The following SKOR2 variants were observed in gnomAD, a reference collection of about 807,000 sequenced individuals.
SKOR2 encodes LBX1 corepressor 1-like protein.
SKOR2 carries 47 observed loss-of-function variants against 69.1 expected under a neutral mutation model. The ratio of observed to expected loss-of-function variants is 0.68; its 90% CI spans 0.54 to 0.87. The LOEUF (loss-of-function observed/expected upper bound fraction) is 0.87, where lower values mean the gene tolerates loss of function less well. SKOR2 is among the 40% of genes least tolerant of loss of function. The pLI is 0.00. For synonymous variants in SKOR2, 717 were observed against 672.6 expected (o/e 1.07, Z -1.02); for missense variants, 1,404 against 1,472.2 (o/e 0.95, Z 0.76).
Position 47,246,982 on chromosome 18 carries a change from G to A in SKOR2, c.2202C>T (p.Asp734=), listed in dbSNP as rs1373043424. 3 of 1,497,952 alleles carry A rather than the reference G, an allele frequency of 2.0e-6. No individual in the cohort carries two copies. The allele number at this position is 1,497,952 out of a possible 1,614,324, so 92.8% of individuals were successfully genotyped here. A position where few individuals can be genotyped will look rare whatever the true frequency, so the allele number is the denominator to read the frequency against. The change falls in exon 2 of 9, where the codon GAC becomes GAT. Residue 734 remains aspartate (D), a synonymous_variant. Transcript: ENST00000425639. ...CCTGCTCTTCTTCCTCGTCGTCCTCGTCCTCGGAGCTGTCCTCGCTGGGGT... is the reference window on the plus strand; with the variant it reads ...CCTGCTCTTCTTCCTCGTCGTCCTCATCCTCGGAGCTGTCCTCGCTGGGGT... ...CCYPSEDSSE[D]EDDEEEEQEV...
At chr18:47,227,326 A>ATTTT (rs778462203) in intron 6 of SKOR2, among the ~76,000 whole-genome samples, 36 of 91,126 alleles carry the variant, frequency 4.0e-4, no homozygotes, top group African/African-American at 9.2e-4. Flanking sequence ...CAAGAAGCCA[A>ATTTT]TTTTTTTTTT....
At position 47,248,869 on chromosome 18, in the gene SKOR2, G is replaced by A. The variant is rs1354109293; in HGVS notation, c.315C>T (p.Ala105=). The change falls in exon 2 of 9, where the codon GCC becomes GCT. Residue 105 remains alanine (A), a synonymous_variant. Coordinates refer to ENST00000425639, the MANE Select transcript of SKOR2 (RefSeq NM_001278063.4). The surrounding 1 kb of genome is among the most constrained non-coding windows in gnomAD (Gnocchi z 6.4). The stretch of plus-strand genomic sequence containing the variant: ...GGCGCGATGAGATGGGCATGGCCCC[G>A]GCACGCCGCAGGATCTCCAGTTGCA... ...TPVQLEILRR[A]GAMPISSRRC... is the part of the protein sequence containing the mutation. The A allele has an allele frequency of 3.8e-6, 6 of 1,566,004 alleles. No homozygotes were observed. The South Asian group carries it at 4.6e-5, about 12-fold the overall frequency.
chr18:47,215,728 A>G (rs1568083315), intron 7 of SKOR2, among the ~76,000 whole-genome samples: 1 of 152,166 alleles, frequency 6.6e-6, no homozygotes, highest in Admixed American at 6.6e-5. Context: ...AATTCTGGAA[A>G]AACAGCAGAG....
chr18:47,212,286 C>A, intron 7 of SKOR2, 135 bp from the exon 8 acceptor site: 1 of 757,954 alleles, frequency 1.3e-6, no homozygotes, highest in South Asian at 7.0e-5. Context: ...TCCATCTGCT[C>A]AGCGGTATGA....
Position 47,248,327 on chromosome 18 carries a change from G to T in SKOR2, c.857C>A (p.Pro286Gln). Residue 286 changes from proline (P) to glutamine (Q), a missense_variant, in exon 2 of 9, where the codon CCG (proline) becomes CAG (glutamine). By Grantham distance (76) the Pro-to-Gln change is moderately conservative. This residue lies in a region of SKOR2 where 1,266 missense variants were observed against 1,309.9 expected (regional missense o/e 0.97). Transcript: ENST00000425639. This position sits in a 1 kb window ranked among gnomAD's most constrained non-coding sequence, Gnocchi z 6.4. The part of the protein sequence containing the change: ...LLGPHLLGAP[P>Q]PPPPPPPPLA... ...GGGCGGCGGTGGCGGCGGCGGCGGC[G>T]GGGGCGCACCCAGCAGGTGGGGGCC... 1 of 1,199,282 alleles carries T rather than the reference G, an allele frequency of 8.3e-7. No homozygotes were observed. Among genetic ancestry groups the T allele is most frequent in the Non-Finnish European group, 1.0e-6 (1 of 969,210 alleles). 74.3% of individuals were successfully genotyped at this position (1,199,282 alleles called of 1,614,324 possible).
intron 1 of SKOR2, among the ~76,000 whole-genome samples, chr18:47,250,627 C>T (rs764079402): frequency 6.6e-5 from 10 of 152,242 alleles, no homozygotes; most frequent in Admixed American, 1.3e-4. Flanking sequence ...CGTGTCCTCT[C>T]TCTGGGCCCC....
intron 6 of SKOR2, among the ~76,000 whole-genome samples, chr18:47,222,056 C>A (rs1166515604): frequency 2.6e-5 from 4 of 152,166 alleles, no homozygotes; most frequent in Middle Eastern, 3.2e-3. Context: ...TGTGGTGGCT[C>A]AAGCCAATAA....
chr18:47,217,916 A>G (rs1211932846), intron 7 of SKOR2, among the ~76,000 whole-genome samples: 1 of 152,212 alleles, frequency 6.6e-6, no homozygotes, highest in East Asian at 1.9e-4. Flanking sequence ...TTTACTATCT[A>G]TAGGAATGTG....
In SKOR2 at chr18:47,217,667, C is replaced by T. The variant is rs2064148201; in HGVS notation, c.2985+2276G>A. Among the ~76,000 whole-genome samples, 2 of 152,128 alleles carry T rather than the reference C, an allele frequency of 1.3e-5. 1 individual carries two copies. The highest frequency in any genetic ancestry group is 4.2e-4 in the South Asian group (2 of 4,818). On this transcript the variant is annotated intron_variant, in intron 7 of 8. Coordinates refer to ENST00000425639, the MANE Select transcript of SKOR2 (RefSeq NM_001278063.4). Reference sequence around the variant, plus strand: ...AATGTTTATGAACAGCTGTTTGATGCTGCACACTGTGATAGGTACTGGAGT... The same window carrying T: ...AATGTTTATGAACAGCTGTTTGATGTTGCACACTGTGATAGGTACTGGAGT...
rs955018170 is a variant in SKOR2, at chr18:47,230,475, T to A, written c.2901A>T (p.Thr967=). Residue 967 remains threonine (T), a synonymous_variant, in exon 6 of 9, where the codon ACA becomes ACT. Coordinates refer to ENST00000425639, the MANE Select transcript of SKOR2 (RefSeq NM_001278063.4). ...ATTTCTTACTGAATACTGGGAAAGA[T>A]GTGTTTCCTTTTAACACCTGGAATT... ...EQEFQVLKGN[T]SFPVFNNFQD... 4.8e-6 allele frequency: 7 copies of A among 1,444,402 alleles called. No individual in the cohort carries two copies. The highest frequency in any genetic ancestry group is 2.9e-5 in the African/African-American group (2 of 69,478). 89.5% of individuals were successfully genotyped at this position (1,444,402 alleles called of 1,614,324 possible). A position where few individuals can be genotyped will look rare whatever the true frequency, so the allele number is the denominator to read the frequency against.
At chr18:47,224,799 G>T in intron 6 of SKOR2, among the ~76,000 whole-genome samples, 1 of 151,942 alleles carries the variant, frequency 6.6e-6, no homozygotes, top group Non-Finnish European at 1.5e-5. Context: ...GTATGTGTTT[G>T]TGTAGAGACA....
chr18:47,217,558 AAATTTGGAAAAG>A (rs1199755782), intron 7 of SKOR2, among the ~76,000 whole-genome samples: 1 of 152,180 alleles, frequency 6.6e-6, no homozygotes, highest in Non-Finnish European at 1.5e-5. Flanking sequence ...CAAGCCAGGG[AAATTTGGAAAAG>A]AATTAAGAGG....
intron 8 of SKOR2, among the ~76,000 whole-genome samples, chr18:47,209,991 G>A (rs914929371): frequency 1.3e-5 from 2 of 152,064 alleles, no homozygotes; most frequent in African/African-American, 4.8e-5. Context: ...ATAGGAGGAT[G>A]GCTCGAGCCA....
rs976693113 is a variant in SKOR2 at position 47,230,355 on chromosome 18, T to C, written c.2917+104A>G. ...TTAGGCAGACCATGGGAAGACTGTG[T>C]GTGTTTTGCACAATCGCTTAATACT... On this transcript the variant is annotated intron_variant, in intron 6 of 8. Transcript: ENST00000425639. The C allele has an allele frequency of 1.2e-5, 8 of 666,606 alleles. No homozygotes were observed. The African/African-American group carries it at 1.5e-4, about 12-fold the overall frequency. The allele number at this position is 666,606 out of a possible 1,614,324, so 41.3% of individuals were successfully genotyped here. A position where few individuals can be genotyped will look rare whatever the true frequency, so the allele number is the denominator to read the frequency against.
intron 8 of SKOR2, 128 bp from the exon 9 acceptor site, chr18:47,207,020 A>G (rs1007448902): frequency 3.3e-5 from 5 of 152,218 alleles, no homozygotes; most frequent in Admixed American, 6.5e-5. Flanking sequence ...CCTAGGTTAT[A>G]TATCTCTGAT....
intron 7 of SKOR2, 79 bp downstream of exon 7, chr18:47,219,864 G>T: frequency 1.6e-6 from 2 of 1,286,408 alleles, no homozygotes; most frequent in Admixed American, 2.1e-5. Context: ...GCAAAAACGT[G>T]AACAGTTTCA....
Position 47,228,125 on chromosome 18 carries a change from C to T in SKOR2, c.2917+2334G>A, listed in dbSNP as rs563029659. Among the ~76,000 whole-genome samples, 10 of 152,316 alleles carry T rather than the reference C, an allele frequency of 6.6e-5. No homozygotes were observed. In the South Asian group the frequency reaches 1.5e-3, roughly 22 times the overall value. On this transcript the variant is annotated intron_variant, in intron 6 of 8. Coordinates refer to ENST00000425639, the MANE Select transcript of SKOR2 (RefSeq NM_001278063.4). ...AATCTAAATCTGTCCCCTAGCCTCACGGCCCCTCACATTTAGTTAACAAGC... is the reference window on the plus strand; with the variant it reads ...AATCTAAATCTGTCCCCTAGCCTCATGGCCCCTCACATTTAGTTAACAAGC...
At chr18:47,219,842 A>G (rs1187044027) in intron 7 of SKOR2, 101 bp downstream of exon 7, 6 of 1,066,988 alleles carry the variant, frequency 5.6e-6, no homozygotes. Context: ...TAAGTGGACC[A>G]AAGGATTTCA....
chr18:47,232,292 A>C (rs1280936151), intron 4 of SKOR2, among the ~76,000 whole-genome samples: 1 of 152,176 alleles, frequency 6.6e-6, no homozygotes, highest in Non-Finnish European at 1.5e-5. Context: ...TTGCGCATAA[A>C]GGTTAGATCG....
Sources: gnomAD v4.1 joint callset for allele counts (sites outside exome capture counted in the v4.1 genomes callset) on GRCh38, gnomAD v4.1.1 for gene constraint, gnomAD v4.1.1 regional missense constraint, Gnocchi (gnomAD v3.1) non-coding constraint, MANE v1.5 for transcripts, NCBI Gene and HGNC (gene_info 2026-07-23, HGNC 2026-07-21) for gene names.